Variants in GSE1 observed in about 807,000 individuals in gnomAD.
GSE1 encodes genetic suppressor element 1.
Under a neutral mutation model 112.6 loss-of-function variants are expected in GSE1, and 32 were observed. The ratio of observed to expected loss-of-function variants is 0.28; its 90% CI spans 0.21 to 0.38. The LOEUF (loss-of-function observed/expected upper bound fraction) is 0.38. Ranked by LOEUF, GSE1 falls within the 10% of genes least tolerant of loss-of-function variation. GSE1 has a pLI of 1.00. For missense variants in GSE1, 2,348 were observed against 1,699.2 expected (o/e 1.38, Z -6.71); for synonymous variants, 1,115 against 735.6 (o/e 1.52, Z -8.35).
intron 10 of GSE1, 67 bp from the exon 11 acceptor site, chr16:85,663,277 C>G: frequency 1.3e-6 from 2 of 1,555,616 alleles, no homozygotes; most frequent in Non-Finnish European, 8.8e-7. Flanking sequence ...CAGGAGGGGA[C>G]CCCGGGACAG....
intron 1 of GSE1, among the ~76,000 whole-genome samples, chr16:85,584,943 G>A (rs2046619465): frequency 6.6e-6 from 1 of 152,140 alleles, no homozygotes; most frequent in Non-Finnish European, 1.5e-5. Flanking sequence ...CAAACCGTGG[G>A]GCCACGTGGC....
At chr16:85,410,399 C>T (rs2048486577) in intron 2 of GSE1, among the ~76,000 whole-genome samples, 1 of 42,380 alleles carries the variant, frequency 2.4e-5, no homozygotes, top group African/African-American at 1.5e-4. Context: ...CTCAGGCCCC[C>T]CTGGATAATC....
intron 2 of GSE1, among the ~76,000 whole-genome samples, chr16:85,488,022 C>T (rs776925703): frequency 2.0e-5 from 3 of 152,252 alleles, no homozygotes; most frequent in Non-Finnish European, 4.4e-5. Context: ...CATGGAGGCT[C>T]CTAGCAGGAC....
intron 1 of GSE1, among the ~76,000 whole-genome samples, chr16:85,276,411 C>A (rs1909367514): frequency 6.6e-6 from 1 of 152,216 alleles, no homozygotes; most frequent in South Asian, 2.1e-4. Context: ...TTGGCCAGGT[C>A]AGCGATTTGT....
At chr16:85,481,405 G>C (rs369694415) in intron 2 of GSE1, among the ~76,000 whole-genome samples, 2 of 152,232 alleles carry the variant, frequency 1.3e-5, no homozygotes, top group South Asian at 2.1e-4. Context: ...TGCTTAGGAA[G>C]GGTTTTGAGG....
rs556100268 is a variant in GSE1 at position 85,419,567 on chromosome 16, C to G, written c.2464+61924C>G. Among the ~76,000 whole-genome samples, 1 of 151,532 alleles carries G rather than the reference C, an allele frequency of 6.6e-6. No homozygotes were observed. The highest frequency in any genetic ancestry group is 2.1e-4 in the South Asian group (1 of 4,782). On this transcript the variant is annotated intron_variant, in intron 2 of 2. Transcript: ENST00000637419. This position sits in a 1 kb window ranked among gnomAD's most constrained non-coding sequence, Gnocchi z 6.5. ...GCTGCAGTGAGCCATGACTGCATCA[C>G]TGTACTCCAGCCTGGGCAATAGAGC...
chr16:85,494,250 C>A (rs372013040), intron 2 of GSE1, among the ~76,000 whole-genome samples: 133 of 152,310 alleles, frequency 8.7e-4, no homozygotes, highest in African/African-American at 3.0e-3. Flanking sequence ...AGTTTCCCTG[C>A]GCCTCCCAAC....
intron 2 of GSE1, among the ~76,000 whole-genome samples, chr16:85,455,794 G>A (rs1227286471): frequency 2.0e-5 from 3 of 152,218 alleles, no homozygotes; most frequent in Non-Finnish European, 4.4e-5. Flanking sequence ...GCAGGCAGCT[G>A]TCTGGGGGTG....
intron 2 of GSE1, among the ~76,000 whole-genome samples, chr16:85,424,476 C>T (rs1197897214): frequency 2.6e-5 from 4 of 152,114 alleles, no homozygotes; most frequent in South Asian, 2.1e-4. Context: ...CACGTGGGGA[C>T]AAGCCACATG....
chr16:85,298,128 T>C (rs1166994195), intron 1 of GSE1, among the ~76,000 whole-genome samples: 1 of 152,210 alleles, frequency 6.6e-6, no homozygotes, highest in Non-Finnish European at 1.5e-5. Context: ...CCAGATCTTA[T>C]TAGAAAAGCG....
At chr16:85,344,495 A>G (rs2046692502) in intron 1 of GSE1, among the ~76,000 whole-genome samples, 1 of 151,882 alleles carries the variant, frequency 6.6e-6, no homozygotes, top group Admixed American at 6.5e-5. Flanking sequence ...TGTGTAGAGG[A>G]CAGGTGTGCG....
intron 11 of GSE1, 86 bp downstream of exon 11, chr16:85,663,700 G>C: frequency 7.4e-7 from 1 of 1,349,008 alleles, no homozygotes; most frequent in Admixed American, 2.1e-5. Context: ...GTGGACTCCA[G>C]GCAGGATCTG....
Position 85,674,184 on chromosome 16 carries a change from C to A in GSE1, c.*1645C>A, listed in dbSNP as rs1049452525. On this transcript the variant is annotated 3_prime_UTR_variant, in exon 16 of 16. Coordinates refer to ENST00000253458, the MANE Select transcript of GSE1 (RefSeq NM_014615.5). ...GGGTGCCTGACCTGTGTGCCGGCTGCTCACTGCTGTGACCAGCAGCCGAGC... is the reference window on the plus strand; with the variant it reads ...GGGTGCCTGACCTGTGTGCCGGCTGATCACTGCTGTGACCAGCAGCCGAGC... The A allele has an allele frequency of 1.3e-5, 2 of 152,352 alleles. No homozygotes were observed. The highest frequency in any genetic ancestry group is 2.9e-5 in the Non-Finnish European group (2 of 68,138). The allele number at this position is 152,352 out of a possible 1,614,324, so 9.4% of individuals were successfully genotyped here. A position where few individuals can be genotyped will look rare whatever the true frequency, so the allele number is the denominator to read the frequency against.
intron 1 of GSE1, among the ~76,000 whole-genome samples, chr16:85,227,828 T>C (rs189286206): frequency 6.6e-6 from 1 of 152,328 alleles, no homozygotes; most frequent in East Asian, 1.9e-4. Flanking sequence ...GTTTGCTGAA[T>C]GCTGGCCTCA....
At chr16:85,554,219 A>G (rs747090589), upstream of GSE1, among the ~76,000 whole-genome samples, 6 of 152,146 alleles carry the variant, frequency 3.9e-5, no homozygotes, top group Non-Finnish European at 5.9e-5. Flanking sequence ...GGGCTGGACA[A>G]TGAGCGCACA....
intron 2 of GSE1, chr16:85,490,674 C>T (rs1426112069): frequency 6.6e-6 from 1 of 152,202 alleles, no homozygotes; most frequent in African/African-American, 2.4e-5. Flanking sequence ...GATCCCAGGG[C>T]GGGAACGGAG....
chr16:85,633,625 C>T (rs1000080104), intron 1 of GSE1, among the ~76,000 whole-genome samples: 2 of 152,230 alleles, frequency 1.3e-5, no homozygotes, highest in African/African-American at 4.8e-5. Context: ...ACGACCTGCC[C>T]AGCCTGGACT....
At chr16:85,637,287 T>A (rs2050081866) in intron 2 of GSE1, among the ~76,000 whole-genome samples, 1 of 152,232 alleles carries the variant, frequency 6.6e-6, no homozygotes, top group Non-Finnish European at 1.5e-5. Flanking sequence ...ACCCTGAGCG[T>A]GACATCTCCT....
intron 2 of GSE1, among the ~76,000 whole-genome samples, chr16:85,499,201 T>C (rs1363312345): frequency 1.3e-5 from 2 of 149,204 alleles, no homozygotes; most frequent in East Asian, 2.0e-4. Flanking sequence ...CTGGGCACAG[T>C]GAAGCTCATA....
Sources: allele counts gnomAD v4.1 joint callset (sites outside exome capture counted in the v4.1 genomes callset), GRCh38; gene constraint gnomAD v4.1.1; non-coding constraint Gnocchi (gnomAD v3.1); transcripts MANE v1.5; gene names NCBI Gene and HGNC (gene_info 2026-07-23, HGNC 2026-07-21).